DLG2: variants seen among roughly 807,000 people sequenced by gnomAD.
DLG2 encodes the protein discs large MAGUK scaffold protein 2.
DLG2 carries 45 observed loss-of-function variants against 132.5 expected under a neutral mutation model. That is an observed-to-expected ratio of 0.34 (90% confidence interval 0.27 to 0.44). DLG2 has a LOEUF of 0.44. Among genes scored for constraint, DLG2 ranks in the 20% least tolerant of loss-of-function variants. The pLI is 1.00. For synonymous variants in DLG2, 424 were observed against 419.6 expected (o/e 1.01, Z -0.13); for missense variants, 1,045 against 1,196.9 (o/e 0.87, Z 1.87).
chr11:84,147,031 C>T (rs1566700790), intron 9 of DLG2, among the ~76,000 whole-genome samples: 1 of 151,934 alleles, frequency 6.6e-6, no homozygotes, highest in Non-Finnish European at 1.5e-5. Flanking sequence ...AATGCTGCCC[C>T]CTCTCTGCTC....
intron 3 of DLG2, among the ~76,000 whole-genome samples, chr11:85,487,840 G>T (rs1215709261): frequency 6.6e-6 from 1 of 152,142 alleles, no homozygotes; most frequent in Non-Finnish European, 1.5e-5. Context: ...ATGCAAAGAA[G>T]ATTTTGCCAT....
chr11:85,349,638 A>G lies in DLG2; in HGVS notation c.41-64273T>C, dbSNP rs543764140. Among the ~76,000 whole-genome samples, 84 of 152,106 alleles carry G rather than the reference A, an allele frequency of 5.5e-4. 1 individual carries two copies. The highest frequency in any genetic ancestry group is 2.0e-3 in the African/African-American group (83 of 41,414). ...CAAGTGATCTCATTGTTCAATTCCCACCTATAAGTGATAACATGCAGTGTT... is the reference window on the plus strand; with the variant it reads ...CAAGTGATCTCATTGTTCAATTCCCGCCTATAAGTGATAACATGCAGTGTT... On this transcript the variant is annotated intron_variant, in intron 3 of 27. Coordinates refer to ENST00000376104, the MANE Select transcript of DLG2 (RefSeq NM_001142699.3).
chr11:83,887,118 T>C (rs922057184), intron 15 of DLG2, among the ~76,000 whole-genome samples: 8 of 151,842 alleles, frequency 5.3e-5, no homozygotes, highest in African/African-American at 1.9e-4. Flanking sequence ...CTGAAGGAAA[T>C]AGAGACACAA....
chr11:84,393,127 T>G (rs2098798681), intron 7 of DLG2, among the ~76,000 whole-genome samples: 1 of 152,174 alleles, frequency 6.6e-6, no homozygotes, highest in Non-Finnish European at 1.5e-5. Context: ...GGGATCGCCT[T>G]TGAATCACTG....
At chr11:84,799,120 G>A (rs1278550040) in intron 6 of DLG2, among the ~76,000 whole-genome samples, 3 of 152,128 alleles carry the variant, frequency 2.0e-5, no homozygotes, top group Non-Finnish European at 2.9e-5. Flanking sequence ...GGCCCACAAC[G>A]GCCTCAAGGC....
chr11:83,905,118 A>G (rs1320287005), intron 15 of DLG2, among the ~76,000 whole-genome samples: 2 of 152,192 alleles, frequency 1.3e-5, no homozygotes, highest in Non-Finnish European at 2.9e-5. Flanking sequence ...AACAACAATA[A>G]TAATGGCTAA....
At chr11:84,430,229 A>T (rs1175885191) in intron 7 of DLG2, among the ~76,000 whole-genome samples, 1 of 152,130 alleles carries the variant, frequency 6.6e-6, no homozygotes, top group Non-Finnish European at 1.5e-5. Context: ...CAAGGTCAGG[A>T]GATCGAGACC....
intron 19 of DLG2, among the ~76,000 whole-genome samples, chr11:83,556,644 T>C (rs188565598): frequency 5.3e-5 from 8 of 152,310 alleles, no homozygotes; most frequent in Admixed American, 5.2e-4. Context: ...AGTGCTGGGA[T>C]TACAGGCATG....
At chr11:84,069,115 G>C (rs2096719969) in intron 10 of DLG2, among the ~76,000 whole-genome samples, 1 of 152,142 alleles carries the variant, frequency 6.6e-6, no homozygotes, top group South Asian at 2.1e-4. Flanking sequence ...CCCCTCCAGA[G>C]GTGCTGATTC....
At chr11:85,238,075 A>G (rs1169407873) in intron 4 of DLG2, among the ~76,000 whole-genome samples, 2 of 151,944 alleles carry the variant, frequency 1.3e-5, no homozygotes, top group Non-Finnish European at 2.9e-5. Context: ...TGTCCGCATT[A>G]AAAACCTGTT....
chr11:83,555,120 A>G (rs61902067), intron 19 of DLG2, among the ~76,000 whole-genome samples: 2,977 of 152,360 alleles, frequency 0.02, 42 homozygotes, highest in Non-Finnish European at 0.033. Context: ...TAATCTGAGC[A>G]CAGCAGGAGC....
chr11:83,730,005 T>A (rs571224707), intron 18 of DLG2, among the ~76,000 whole-genome samples: 2 of 152,258 alleles, frequency 1.3e-5, no homozygotes, highest in Admixed American at 6.5e-5. Context: ...AAACTTTTTT[T>A]AATTGTAGAA....
chr11:84,076,319 A>G (rs1053363347), intron 10 of DLG2, among the ~76,000 whole-genome samples: 1 of 152,154 alleles, frequency 6.6e-6, no homozygotes, highest in African/African-American at 2.4e-5. Flanking sequence ...GAAATCACAC[A>G]TCTTCCTAGG....
intron 16 of DLG2, among the ~76,000 whole-genome samples, chr11:83,871,083 C>T (rs888887339): frequency 2.0e-5 from 3 of 152,122 alleles, no homozygotes; most frequent in African/African-American, 7.2e-5. Context: ...CCTTTGATGC[C>T]CCCTTCTATT....
intron 3 of DLG2, among the ~76,000 whole-genome samples, chr11:85,462,610 A>G (rs1433112892): frequency 6.6e-6 from 1 of 150,850 alleles, no homozygotes. Context: ...ATGAGAACAC[A>G]TGGACACAGG....
Position 84,699,136 on chromosome 11 carries a change from T to A in DLG2, c.358-164405A>T, listed in dbSNP as rs190769052. Among the ~76,000 whole-genome samples the A allele has an allele frequency of 9.4e-4, 143 of 151,620 alleles. 3 individuals carry two copies. In the East Asian group the frequency reaches 0.013, roughly 14 times the overall value. ...TTCAGACCTCAGCTACACATCTATA[T>A]TCTGGATTTCTTCTTGGAAAAGTGC... On this transcript the variant is annotated intron_variant, in intron 6 of 27. Transcript: ENST00000376104.
At chr11:85,610,792 C>T (rs1254273066) in intron 2 of DLG2, among the ~76,000 whole-genome samples, 1 of 152,350 alleles carries the variant, frequency 6.6e-6, no homozygotes, top group Middle Eastern at 3.4e-3. Context: ...GGGGCCAGGG[C>T]CCTCAGCAAG....
intron 6 of DLG2, among the ~76,000 whole-genome samples, chr11:85,048,855 C>T (rs1316814230): frequency 6.6e-6 from 1 of 152,000 alleles, no homozygotes; most frequent in Non-Finnish European, 1.5e-5. Flanking sequence ...TTAACATGAA[C>T]AACAATCTGA....
intron 6 of DLG2, among the ~76,000 whole-genome samples, chr11:84,949,881 T>C (rs2050702917): frequency 6.6e-6 from 1 of 152,190 alleles, no homozygotes; most frequent in African/African-American, 2.4e-5. Flanking sequence ...GCATAGGAAA[T>C]CACAAGGGTA....
Sources: allele counts gnomAD v4.1 joint callset (sites outside exome capture counted in the v4.1 genomes callset), GRCh38; gene constraint gnomAD v4.1.1; transcripts MANE v1.5; gene names NCBI Gene and HGNC (gene_info 2026-07-23, HGNC 2026-07-21).